The following RBBP8 variants were observed in gnomAD, a reference collection of about 807,000 sequenced individuals.
The protein encoded by RBBP8 is DNA endonuclease RBBP8.
In RBBP8, 88 loss-of-function variants were observed where a neutral mutation model predicts 108.3. The observed-to-expected ratio is 0.81, with a 90% CI of 0.68 to 0.97. The LOEUF is 0.97. Ranked by LOEUF, RBBP8 falls within the 50% of genes least tolerant of loss-of-function variation. The pLI is 0.00. For synonymous variants in RBBP8, 332 were observed against 348.2 expected (o/e 0.95, Z 0.52); for missense variants, 1,023 against 1,049.0 (o/e 0.98, Z 0.34).
At chr18:22,980,231 G>A (rs1015352510) in intron 6 of RBBP8, among the ~76,000 whole-genome samples, 2 of 151,962 alleles carry the variant, frequency 1.3e-5, no homozygotes, top group African/African-American at 4.8e-5. Flanking sequence ...GGGCAAAAGA[G>A]CAAGACTCAG....
rs1307615253 is a variant in RBBP8, at chr18:22,989,318, T to C, written c.807T>C (p.Ser269=). The stretch of plus-strand genomic sequence containing the variant: ...TTGGACTTGGTGTTCAAGAAGAATC[T>C]GTAAGTAATTGTTTAGTTTGGCAAT... ...ETLGLGVQEE[S]ETQGPMSPLG... The change falls in exon 9 of 19, where the codon TCT becomes TCC. Residue 269 remains serine (S), a splice_region_variant and synonymous_variant. Transcript: ENST00000327155. 1 of 1,579,410 alleles carries C rather than the reference T, an allele frequency of 6.3e-7. No homozygotes were observed. Among genetic ancestry groups the C allele is most frequent in the Admixed American group, 1.7e-5 (1 of 59,920 alleles).
intron 8 of RBBP8, among the ~76,000 whole-genome samples, chr18:22,986,171 C>T (rs1243718216): frequency 1.3e-5 from 2 of 151,580 alleles, no homozygotes; most frequent in Non-Finnish European, 2.9e-5. Flanking sequence ...GTTGAGGTTG[C>T]GAAAATGAGT....
At position 22,936,831 on chromosome 18, in the gene RBBP8, G is replaced by T. The variant is rs1465678957; in HGVS notation, c.-21G>T. ...GTCAGAAAATATTAAGCAAGTAGAA[G>T]TGTGGAGCATATTAAGCAAGATGAA... On this transcript the variant is annotated 5_prime_UTR_variant, in exon 2 of 19. Coordinates refer to ENST00000327155, the MANE Select transcript of RBBP8 (RefSeq NM_002894.3). The T allele has an allele frequency of 1.2e-6, 2 of 1,613,688 alleles. No individual in the cohort carries two copies. The highest frequency in any genetic ancestry group is 1.7e-6 in the Non-Finnish European group (2 of 1,179,806).
In RBBP8 at chr18:22,936,960, G is replaced by C. The variant is rs746058802; in HGVS notation, c.109G>C (p.Gly37Arg). Residue 37 changes from glycine to arginine, a missense_variant and splice_region_variant, in exon 2 of 19, where the codon GGT becomes CGT. Transcript: ENST00000327155. ...AGAATGTCATGATAGAGAAGTACAAGGTAAAATCTTTTCTTAAATACTTAC... is the reference window on the plus strand; with the variant it reads ...AGAATGTCATGATAGAGAAGTACAACGTAAAATCTTTTCTTAAATACTTAC... ...LKECHDREVQ[G>R]LQVKVTKLKQ... 6.2e-7 allele frequency: 1 copy of C among 1,613,856 alleles called. No homozygotes were observed. The highest frequency in any genetic ancestry group is 1.7e-5 in the Admixed American group (1 of 60,022).
At chr18:22,941,278 TCTC>T (rs1317003142) in intron 2 of RBBP8, among the ~76,000 whole-genome samples, 2 of 152,000 alleles carry the variant, frequency 1.3e-5, no homozygotes, top group Admixed American at 6.5e-5. Context: ...TTGAAGCAGT[TCTC>T]CTGGCTCAGC....
upstream of RBBP8, among the ~76,000 whole-genome samples, chr18:22,931,477 A>G (rs915560229): frequency 1.3e-5 from 2 of 152,224 alleles, no homozygotes; most frequent in African/African-American, 4.8e-5. Context: ...AGTGGTCTCA[A>G]AGTAGACACA....
rs774630835 is a variant in RBBP8 at position 23,026,175 on chromosome 18, C to T, written c.2629C>T (p.Arg877Cys). Reference sequence around the variant, plus strand: ...TAAGGAAGATCTTGATCCTTGTCCTCGTCCAAAAAGACGTCAGCCTTACAA... The same window carrying T: ...TAAGGAAGATCTTGATCCTTGTCCTTGTCCAAAAAGACGTCAGCCTTACAA... ...YIKEDLDPCP[R>C]PKRRQPYNAI... The change falls in exon 19 of 19, where the codon CGT (arginine) becomes TGT (cysteine). Residue 877 changes from arginine (R) to cysteine (C), a missense_variant. Physicochemically the swap from Arg to Cys is radical, Grantham distance 180 (BLOSUM62 -3). Transcript: ENST00000327155. The T allele has an allele frequency of 3.7e-6, 6 of 1,613,676 alleles. No individual in the cohort carries two copies. Among genetic ancestry groups the T allele is most frequent in the East Asian group, 2.2e-5 (1 of 44,804 alleles).
chr18:23,022,192 T>G lies in RBBP8; in HGVS notation c.2518T>G (p.Phe840Val), dbSNP rs752995309. ...ATTGGCTTCCTGCTCAAGACACCGA[T>G]TCCGCTACATTCCACCCAACACACC... The part of the protein sequence containing the change: ...KKLASCSRHR[F>V]RYIPPNTPEN... Residue 840 changes from phenylalanine to valine, a missense_variant, in exon 18 of 19, where the codon TTC (phenylalanine) becomes GTC (valine). Transcript: ENST00000327155. 11 of 1,611,032 alleles carry G rather than the reference T, an allele frequency of 6.8e-6. No individual in the cohort carries two copies. Among genetic ancestry groups the G allele is most frequent in the Non-Finnish European group, 9.3e-6 (11 of 1,177,116 alleles).
At chr18:22,959,614 T>C (rs1236450319) in intron 4 of RBBP8, among the ~76,000 whole-genome samples, 1 of 152,194 alleles carries the variant, frequency 6.6e-6, no homozygotes. Flanking sequence ...TTCCATGTTC[T>C]GTGAGATTTC....
At position 22,993,171 on chromosome 18, in the gene RBBP8, G is replaced by C. The variant is rs560214802; in HGVS notation, c.1344G>C (p.Lys448Asn). Residue 448 changes from lysine to asparagine, a missense_variant, in exon 11 of 19, where the codon AAG becomes AAC. Coordinates refer to ENST00000327155, the MANE Select transcript of RBBP8 (RefSeq NM_002894.3). ...KSLGGRTSKRKKTEEESEHEV... is the reference protein window; with the variant it reads ...KSLGGRTSKRNKTEEESEHEV... ...TGGGAGGCCGAACATCCAAAAGGAA[G>C]AAAACTGAGGAAGAAAGTGAACATG... 4 of 1,614,024 alleles carry C rather than the reference G, an allele frequency of 2.5e-6. No homozygotes were observed. Among genetic ancestry groups the C allele is most frequent in the Non-Finnish European group, 3.4e-6 (4 of 1,180,012 alleles).
At chr18:22,949,429 GTAT>G (rs1472843230) in intron 3 of RBBP8, among the ~76,000 whole-genome samples, 186 bp from the exon 4 acceptor site, 1 of 152,076 alleles carries the variant, frequency 6.6e-6, no homozygotes, top group Non-Finnish European at 1.5e-5. Context: ...TGACTTTATG[GTAT>G]ATAAGAGCTC....
chr18:22,925,334 C>T (rs1213181887), intron 3 of RBBP8, among the ~76,000 whole-genome samples: 2 of 152,158 alleles, frequency 1.3e-5, no homozygotes, highest in East Asian at 1.9e-4. Context: ...TCAGGATCTC[C>T]TTTAAGTACT....
intron 2 of RBBP8, among the ~76,000 whole-genome samples, chr18:22,937,316 G>C (rs564677794): frequency 4.6e-5 from 7 of 151,814 alleles, no homozygotes; most frequent in Non-Finnish European, 8.8e-5. Context: ...CAGTATTTCT[G>C]TTGTCTGCTC....
intron 4 of RBBP8, among the ~76,000 whole-genome samples, chr18:22,957,458 C>CT (rs1409668508): frequency 6.6e-6 from 1 of 151,940 alleles, no homozygotes; most frequent in African/African-American, 2.4e-5. Flanking sequence ...TCTTTTTGGG[C>CT]TATAGCAAAC....
Position 22,936,875 on chromosome 18 carries a change from TG to T in RBBP8, c.26del (p.Gly9GlufsTer19). On this transcript the variant is annotated frameshift_variant, in exon 2 of 19. Transcript: ENST00000327155. LOFTEE classifies it high-confidence loss of function. ...AGATGAACATCTCGGGAAGCAGCTG[TG>T]GAAGCCCTAACTCTGCAGATACATC... MNISGSSC[G>X]SPNSADTSSD... The T allele has an allele frequency of 6.2e-7, 1 of 1,614,148 alleles. No homozygotes were observed. Among genetic ancestry groups the T allele is most frequent in the Non-Finnish European group, 8.5e-7 (1 of 1,180,018 alleles).
At chr18:22,981,286 T>C (rs2144651536) in intron 6 of RBBP8, among the ~76,000 whole-genome samples, 1 of 152,192 alleles carries the variant, frequency 6.6e-6, no homozygotes, top group East Asian at 1.9e-4. Flanking sequence ...TATCTCTTAA[T>C]AGGACTCTTG....
intron 3 of RBBP8, among the ~76,000 whole-genome samples, chr18:22,921,522 A>G (rs1180144629): frequency 6.6e-6 from 1 of 152,222 alleles, no homozygotes; most frequent in African/African-American, 2.4e-5. Context: ...AAATACCTGG[A>G]GCAAGCAGGG....
chr18:23,007,818 GT>G (rs535170284), intron 16 of RBBP8, among the ~76,000 whole-genome samples: 33 of 143,988 alleles, frequency 2.3e-4, no homozygotes, highest in Non-Finnish European at 2.0e-4. Context: ...TGTTTTTTTG[GT>G]TTTTTTTTTT....
At chr18:22,938,609 T>G (rs1910782039) in intron 2 of RBBP8, among the ~76,000 whole-genome samples, 1 of 152,226 alleles carries the variant, frequency 6.6e-6, no homozygotes, top group South Asian at 2.1e-4. Context: ...TGTGGTAATA[T>G]GTATGAGATA....
Sources: gnomAD v4.1 joint callset for allele counts (sites outside exome capture counted in the v4.1 genomes callset) on GRCh38, gnomAD v4.1.1 for gene constraint, MANE v1.5 for transcripts, NCBI Gene and HGNC (gene_info 2026-07-23, HGNC 2026-07-21) for gene names.